BCAS3: variants seen among roughly 807,000 people sequenced by gnomAD.
BCAS3 encodes BCAS4/BCAS3 fusion.
BCAS3 carries 53 observed loss-of-function variants against 116.1 expected under a neutral mutation model. The ratio of observed to expected loss-of-function variants is 0.46; its 90% CI spans 0.37 to 0.57. BCAS3 has a LOEUF of 0.57. BCAS3 is among the 20% of genes least tolerant of loss of function. The pLI is 0.00. For missense variants in BCAS3, 917 were observed against 1,165.4 expected, an observed-to-expected ratio of 0.79 and a Z score of 3.10; for synonymous variants, 391 against 408.2, an observed-to-expected ratio of 0.96 and a Z score of 0.51.
intron 10 of BCAS3, among the ~76,000 whole-genome samples, chr17:60,894,452 A>T (rs1397455208): frequency 1.3e-5 from 2 of 152,058 alleles, no homozygotes; most frequent in Non-Finnish European, 1.5e-5. Context: ...CAAATCTAAG[A>T]TTTTGTGCGT....
At chr17:61,038,277 T>C (rs866980178) in intron 18 of BCAS3, among the ~76,000 whole-genome samples, 2 of 120,438 alleles carry the variant, frequency 1.7e-5, no homozygotes, top group Non-Finnish European at 3.4e-5. Context: ...GTTTCTAGAA[T>C]TTTTTTTTTT....
intron 7 of BCAS3, among the ~76,000 whole-genome samples, chr17:60,842,172 T>C (rs1462295472): frequency 6.6e-6 from 1 of 152,214 alleles, no homozygotes; most frequent in Non-Finnish European, 1.5e-5. Context: ...CCTTTTCTGC[T>C]TTGGAACTAA....
chr17:61,151,340 G>A lies in BCAS3; in HGVS notation c.2425+66776G>A, dbSNP rs979369842. On this transcript the variant is annotated intron_variant, in intron 22 of 23. Transcript: ENST00000407086. This position sits in a 1 kb window ranked among gnomAD's most constrained non-coding sequence, Gnocchi z 4.8. ...AAGCACTCCTGGTCCCAAGCATTTC[G>A]GATAGGGGATAATCAACCTATACCA... Among the ~76,000 whole-genome samples the A allele has an allele frequency of 2.4e-4, 36 of 151,558 alleles. No homozygotes were observed. The highest frequency in any genetic ancestry group is 7.5e-4 in the African/African-American group (31 of 41,312).
At chr17:61,338,810 A>T (rs1163104741) in intron 22 of BCAS3, among the ~76,000 whole-genome samples, 2 of 151,382 alleles carry the variant, frequency 1.3e-5, no homozygotes, top group Non-Finnish European at 2.9e-5. Context: ...GTGACACTGA[A>T]AAGTTATTTT....
Position 60,740,658 on chromosome 17 carries a change from A to C in BCAS3, c.322-6540A>C, listed in dbSNP as rs1356359504. Among the ~76,000 whole-genome samples, 5 of 151,942 alleles carry C rather than the reference A, an allele frequency of 3.3e-5. No individual in the cohort carries two copies. The East Asian group carries it at 9.6e-4, about 29-fold the overall frequency. On this transcript the variant is annotated intron_variant, in intron 5 of 23. Transcript: ENST00000407086. ...AAGTTTTAGTCCTTTGTTTCTCATT[A>C]TTTTTTTGAGAGTGTGTGGTGTGTT...
At chr17:61,057,644 A>C (rs964457648) in intron 19 of BCAS3, among the ~76,000 whole-genome samples, 1 of 151,744 alleles carries the variant, frequency 6.6e-6, no homozygotes, top group East Asian at 1.9e-4. Context: ...AGCAGCTAGG[A>C]CACCTGAAGT....
intron 22 of BCAS3, among the ~76,000 whole-genome samples, chr17:61,179,874 CTTT>C (rs5821309): frequency 3.2e-5 from 4 of 124,518 alleles, no homozygotes; most frequent in African/African-American, 3.0e-5. Flanking sequence ...CTCTCTCTCT[CTTT>C]TTTTTTTTTT....
rs1307593894 is a variant in BCAS3, at chr17:61,365,828, C to T, written c.2426-2499C>T. Among the ~76,000 whole-genome samples, 1 of 151,980 alleles carries T rather than the reference C, an allele frequency of 6.6e-6. No individual in the cohort carries two copies. Among genetic ancestry groups the T allele is most frequent in the African/African-American group, 2.4e-5 (1 of 41,384 alleles). On this transcript the variant is annotated intron_variant, in intron 22 of 23. Coordinates refer to ENST00000407086, the MANE Select transcript of BCAS3 (RefSeq NM_017679.5). This position sits in a 1 kb window ranked among gnomAD's most constrained non-coding sequence, Gnocchi z 4.6. ...CTTCCCAATTTTCCAGGCTCTGAAA[C>T]ATCTCTGTCCATAAGAAAGCTGAGT...
chr17:60,807,748 C>CT (rs2048411270), intron 6 of BCAS3, among the ~76,000 whole-genome samples: 1 of 150,112 alleles, frequency 6.7e-6, no homozygotes, highest in African/African-American at 2.5e-5. Context: ...TGCCACTGCA[C>CT]TCCAGCCTGG....
rs760121965 is a variant in BCAS3 at position 61,367,339 on chromosome 17, A to G, written c.2426-988A>G. On this transcript the variant is annotated intron_variant, in intron 22 of 23. Transcript: ENST00000407086. This position sits in a 1 kb window ranked among gnomAD's most constrained non-coding sequence, Gnocchi z 6.2. Reference sequence around the variant, plus strand: ...TGACTATAATCTCCTTCCGAGAGAGAGTGGATGAAATAAGCTTTCACAGAA... The same window carrying G: ...TGACTATAATCTCCTTCCGAGAGAGGGTGGATGAAATAAGCTTTCACAGAA... 2.6e-5 allele frequency among the ~76,000 whole-genome samples: 4 copies of G among 152,186 alleles called. No homozygotes were observed. Among genetic ancestry groups the G allele is most frequent in the Non-Finnish European group, 4.4e-5 (3 of 68,022 alleles).
chr17:60,805,857 G>GT (rs558273934), intron 6 of BCAS3, among the ~76,000 whole-genome samples: 18,030 of 122,098 alleles, frequency 0.15, 2,133 homozygotes, highest in African/African-American at 0.29. Context: ...CTCAGCCTAA[G>GT]TTTTTTTTTT....
intron 22 of BCAS3, among the ~76,000 whole-genome samples, chr17:61,163,319 G>A (rs1430054753): frequency 2.5e-5 from 2 of 81,374 alleles, no homozygotes; most frequent in Non-Finnish European, 7.7e-5. Context: ...AGCTACTGGG[G>A]AGGCTGAGGC....
At chr17:61,006,596 A>G (rs764099814) in intron 15 of BCAS3, among the ~76,000 whole-genome samples, 16 of 152,200 alleles carry the variant, frequency 1.1e-4, no homozygotes, top group Admixed American at 8.5e-4. Context: ...ATGAGGACTT[A>G]TACTTTGGGG....
At position 61,118,113 on chromosome 17, in the gene BCAS3, T is replaced by C. The variant is rs1400049518; in HGVS notation, c.2425+33549T>C. On this transcript the variant is annotated intron_variant, in intron 22 of 23. Coordinates refer to ENST00000407086, the MANE Select transcript of BCAS3 (RefSeq NM_017679.5). This position sits in a 1 kb window ranked among gnomAD's most constrained non-coding sequence, Gnocchi z 5.0. ...GAAAGCTGGGCATTTCCCTATGATA[T>C]GAATTGTACTTAAACCTTCGGTTTT... Among the ~76,000 whole-genome samples the C allele has an allele frequency of 2.0e-5, 3 of 152,212 alleles. No individual in the cohort carries two copies. The highest frequency in any genetic ancestry group is 7.2e-5 in the African/African-American group (3 of 41,448).
At chr17:61,102,416 A>G (rs2074382787) in intron 22 of BCAS3, among the ~76,000 whole-genome samples, 1 of 152,190 alleles carries the variant, frequency 6.6e-6, no homozygotes, top group African/African-American at 2.4e-5. Flanking sequence ...TGAATACACT[A>G]TGCTAAGCAT....
Position 61,222,266 on chromosome 17 carries a change from GTCAAACCATAGACTTCAATTTTGAAAACC to G in BCAS3, c.2425+137705_2425+137733del, listed in dbSNP as rs1324936813. Among the ~76,000 whole-genome samples the G allele has an allele frequency of 2.0e-5, 3 of 152,212 alleles. No homozygotes were observed. Among genetic ancestry groups the G allele is most frequent in the African/African-American group, 7.2e-5 (3 of 41,458 alleles). ...TGAAAGAAAGGGCCTCCATAGGCTTGTCAAACCATAGACTTCAATTTTGAAAACCTCTGTTCTCTTTTACAGTCGAAAAG... is the reference window on the plus strand; with the variant it reads ...TGAAAGAAAGGGCCTCCATAGGCTTGTCTGTTCTCTTTTACAGTCGAAAAG... On this transcript the variant is annotated intron_variant, in intron 22 of 23. Transcript: ENST00000407086. The surrounding 1 kb of genome is among the most constrained non-coding windows in gnomAD (Gnocchi z 6.1).
At chr17:60,783,261 G>A (rs993487815) in intron 6 of BCAS3, among the ~76,000 whole-genome samples, 1 of 152,196 alleles carries the variant, frequency 6.6e-6, no homozygotes, top group Non-Finnish European at 1.5e-5. Context: ...TTGGAGTGCA[G>A]TGGTGCAATC....
chr17:60,953,133 G>A (rs539137638), intron 14 of BCAS3, among the ~76,000 whole-genome samples: 1 of 152,190 alleles, frequency 6.6e-6, no homozygotes, highest in South Asian at 2.1e-4. Context: ...ATTTACTCAG[G>A]AATGGGATTG....
intron 22 of BCAS3, among the ~76,000 whole-genome samples, chr17:61,257,089 AGG>A (rs1270951374): frequency 6.6e-6 from 1 of 152,130 alleles, no homozygotes; most frequent in Non-Finnish European, 1.5e-5. Flanking sequence ...TTTGCTGATA[AGG>A]CTTAGGGAAA....
Sources: allele counts gnomAD v4.1 joint callset (sites outside exome capture counted in the v4.1 genomes callset), GRCh38; gene constraint gnomAD v4.1.1; non-coding constraint Gnocchi (gnomAD v3.1); transcripts MANE v1.5; gene names NCBI Gene and HGNC (gene_info 2026-07-23, HGNC 2026-07-21).